Variants in NAV3 observed in about 807,000 individuals in gnomAD.
The protein encoded by NAV3 is pore membrane and/or filament interacting like protein 1.
In NAV3, 87 loss-of-function variants were observed where a neutral mutation model predicts 244.7. The observed-to-expected ratio is 0.36, with a 90% CI of 0.30 to 0.42. NAV3 has a LOEUF of 0.42. Among genes scored for constraint, NAV3 ranks in the 20% least tolerant of loss-of-function variants. The pLI, the probability that NAV3 is intolerant of heterozygous loss-of-function variation, is 1.00. For synonymous variants in NAV3, 1,126 were observed against 1,042.2 expected (o/e 1.08, Z -1.55); for missense variants, 2,663 against 2,893.3 (o/e 0.92, Z 1.83).
At chr12:77,890,100 T>C (rs1258039856) in intron 1 of NAV3, among the ~76,000 whole-genome samples, 4 of 152,176 alleles carry the variant, frequency 2.6e-5, no homozygotes, top group Non-Finnish European at 4.4e-5. Context: ...TAAAGCTTTA[T>C]TTTATAAATT....
chr12:77,743,680 CTGAA>C (rs1310609550), intron 2 of NAV3, among the ~76,000 whole-genome samples: 1 of 151,648 alleles, frequency 6.6e-6, no homozygotes, highest in East Asian at 1.9e-4. Context: ...GAGAAATATA[CTGAA>C]TGAAAGAAAC....
intron 2 of NAV3, among the ~76,000 whole-genome samples, chr12:77,654,311 C>T (rs1872971990): frequency 6.6e-6 from 1 of 152,252 alleles, no homozygotes; most frequent in Non-Finnish European, 1.5e-5. Context: ...TATCCTGCAC[C>T]TGGCTCGGAG....
chr12:77,951,632 C>G (rs570181484), intron 3 of NAV3, among the ~76,000 whole-genome samples: 14 of 152,010 alleles, frequency 9.2e-5, no homozygotes, highest in African/African-American at 3.4e-4. Flanking sequence ...ATGTTCATTG[C>G]GGCACTATTC....
At chr12:77,751,710 C>A (rs1230350313) in intron 2 of NAV3, among the ~76,000 whole-genome samples, 1 of 152,172 alleles carries the variant, frequency 6.6e-6, no homozygotes, top group Admixed American at 6.6e-5. Flanking sequence ...TGAGAATGGA[C>A]TAATACATAC....
upstream of NAV3, among the ~76,000 whole-genome samples, chr12:77,830,318 C>A: frequency 6.6e-6 from 1 of 152,170 alleles, no homozygotes; most frequent in East Asian, 1.9e-4. Context: ...ATCATACATT[C>A]TTTCCCCCTT....
intron 1 of NAV3, among the ~76,000 whole-genome samples, chr12:77,893,976 G>A (rs1884267351): frequency 6.6e-6 from 1 of 152,130 alleles, no homozygotes; most frequent in Admixed American, 6.5e-5. Context: ...GATGACACAG[G>A]ACAAGTTATT....
chr12:77,730,085 A>G (rs144612566), intron 2 of NAV3, among the ~76,000 whole-genome samples: 59 of 152,126 alleles, frequency 3.9e-4, no homozygotes, highest in Admixed American at 1.0e-3. Flanking sequence ...AGTAAACTCT[A>G]CTTAGTAACA....
At chr12:78,049,373 G>T (rs1263254338) in intron 9 of NAV3, among the ~76,000 whole-genome samples, 1 of 152,178 alleles carries the variant, frequency 6.6e-6, no homozygotes, top group East Asian at 1.9e-4. Context: ...TGTGCATGTT[G>T]TGAAGACTGT....
At chr12:77,856,733 C>A (rs537333282) in intron 1 of NAV3, among the ~76,000 whole-genome samples, 49 of 152,084 alleles carry the variant, frequency 3.2e-4, no homozygotes, top group African/African-American at 1.2e-3. Context: ...AGTTAATTAT[C>A]CACATTTCTA....
At chr12:77,684,339 T>C (rs901569422) in intron 2 of NAV3, among the ~76,000 whole-genome samples, 2 of 152,174 alleles carry the variant, frequency 1.3e-5, no homozygotes, top group Non-Finnish European at 2.9e-5. Context: ...TTATAAATAT[T>C]TTCTCAGTTT....
intron 11 of NAV3, among the ~76,000 whole-genome samples, chr12:78,052,624 C>T (rs184489297): frequency 1.8e-3 from 273 of 152,216 alleles, no homozygotes; most frequent in Admixed American, 5.2e-3. Flanking sequence ...TCATTAATAA[C>T]CATACCAATT....
intron 9 of NAV3, among the ~76,000 whole-genome samples, chr12:78,040,304 G>T (rs1880641705): frequency 6.6e-6 from 1 of 152,060 alleles, no homozygotes; most frequent in South Asian, 2.1e-4. Flanking sequence ...AGGTCCATTT[G>T]TCTGTCATGA....
At chr12:77,780,116 A>G (rs1364036741) in intron 2 of NAV3, among the ~76,000 whole-genome samples, 2 of 152,136 alleles carry the variant, frequency 1.3e-5, no homozygotes, top group African/African-American at 4.8e-5. Flanking sequence ...GGTTTGTCAG[A>G]CAAAGTTGCA....
chr12:78,025,752 C>A lies in NAV3; in HGVS notation c.2023+3890C>A, dbSNP rs1593311458. Among the ~76,000 whole-genome samples, 3 of 152,178 alleles carry A rather than the reference C, an allele frequency of 2.0e-5. 1 individual carries two copies. The Middle Eastern group carries it at 0.01, about 518-fold the overall frequency. On this transcript the variant is annotated intron_variant, in intron 9 of 39. Coordinates refer to ENST00000397909, the MANE Select transcript of NAV3 (RefSeq NM_001024383.2). ...TGAATTTTCACTGTTAGGTCCCACA[C>A]AAACTGGTTGTTAAAAGTAACCTGG... is the stretch of plus-strand genomic sequence containing the variant.
intron 2 of NAV3, among the ~76,000 whole-genome samples, chr12:77,717,354 A>G (rs1876408221): frequency 1.3e-5 from 2 of 152,088 alleles, no homozygotes; most frequent in Admixed American, 1.3e-4. Flanking sequence ...AATACCTTAT[A>G]TAAGTGGAAT....
chr12:77,797,523 A>ATTTTTTTT (rs1565817672), intron 2 of NAV3, among the ~76,000 whole-genome samples: 1 of 123,100 alleles, frequency 8.1e-6, no homozygotes, highest in African/African-American at 2.9e-5. Context: ...ATCTTTAAAA[A>ATTTTTTTT]GTTTTTTTTT....
intron 19 of NAV3, among the ~76,000 whole-genome samples, chr12:78,139,915 G>A (rs1346689820): frequency 6.6e-6 from 1 of 152,038 alleles, no homozygotes; most frequent in Non-Finnish European, 1.5e-5. Flanking sequence ...AATAAATAAG[G>A]TACATACATT....
chr12:78,132,755 C>T (rs886334699), intron 18 of NAV3, among the ~76,000 whole-genome samples: 1 of 152,094 alleles, frequency 6.6e-6, no homozygotes. Context: ...CAACATTTCA[C>T]TTTCTGTCTG....
chr12:77,954,279 CTTTG>C (rs1243795655), intron 3 of NAV3, among the ~76,000 whole-genome samples: 1 of 152,164 alleles, frequency 6.6e-6, no homozygotes, highest in East Asian at 1.9e-4. Context: ...TGAGCCCCTA[CTTTG>C]TTTGTACCTG....
Sources: allele counts gnomAD v4.1 joint callset (sites outside exome capture counted in the v4.1 genomes callset), GRCh38; gene constraint gnomAD v4.1.1; transcripts MANE v1.5; gene names NCBI Gene and HGNC (gene_info 2026-07-23, HGNC 2026-07-21).